FAM47E: variants seen among roughly 807,000 people sequenced by gnomAD.
FAM47E encodes the protein family with sequence similarity 47 member E, also known as protein FAM47E.
Under a neutral mutation model 41.6 loss-of-function variants are expected in FAM47E, and 32 were observed. The observed-to-expected ratio is 0.77, with a 90% CI of 0.58 to 1.03. The LOEUF (loss-of-function observed/expected upper bound fraction) is 1.03, where lower values mean the gene tolerates loss of function less well. Ranked by LOEUF, FAM47E falls within the 50% of genes least tolerant of loss-of-function variation. The probability of loss-of-function intolerance (pLI) is 0.00; values close to 1 mark genes in which losing one functional copy is unlikely to be tolerated. For missense variants in FAM47E, 424 were observed against 485.4 expected, an observed-to-expected ratio of 0.87 and a Z score of 1.19; for synonymous variants, 184 against 188.7, an observed-to-expected ratio of 0.98 and a Z score of 0.20.
At chr4:76,243,185 A>G (rs1733747181) in intron 2 of FAM47E, among the ~76,000 whole-genome samples, 1 of 152,222 alleles carries the variant, frequency 6.6e-6, no homozygotes, top group Non-Finnish European at 1.5e-5. Flanking sequence ...TCCATTCTCC[A>G]GAACTGTTTC....
At chr4:76,239,913 A>G (rs574009467) in intron 2 of FAM47E, among the ~76,000 whole-genome samples, 1 of 152,280 alleles carries the variant, frequency 6.6e-6, no homozygotes, top group Admixed American at 6.5e-5. Flanking sequence ...TGTAAATGGT[A>G]TCAGGTAAGG....
upstream of FAM47E, among the ~76,000 whole-genome samples, chr4:76,250,809 A>G (rs928651087): frequency 2.6e-5 from 4 of 152,308 alleles, no homozygotes; most frequent in Admixed American, 6.5e-5. Flanking sequence ...AGTAGTCAGG[A>G]CAAATATTAC....
chr4:76,246,731 T>C (rs576148944), upstream of FAM47E, among the ~76,000 whole-genome samples: 11 of 152,254 alleles, frequency 7.2e-5, no homozygotes, highest in East Asian at 2.1e-3. Flanking sequence ...ACATTTATCA[T>C]TATAAATTAA....
At chr4:76,230,507 C>T (rs79211851) in intron 2 of FAM47E, among the ~76,000 whole-genome samples, 5,871 of 152,268 alleles carry the variant, frequency 0.039, 331 homozygotes, top group African/African-American at 0.12. Flanking sequence ...CACGATGGGC[C>T]ATGGCTCCTG....
chr4:76,259,510 A>G (rs1172177756), intron 2 of FAM47E, among the ~76,000 whole-genome samples: 3 of 152,186 alleles, frequency 2.0e-5, no homozygotes, highest in Non-Finnish European at 4.4e-5. Flanking sequence ...AAACTTATCT[A>G]CTTCTTTATA....
upstream of FAM47E, among the ~76,000 whole-genome samples, chr4:76,250,824 C>T (rs1238911705): frequency 6.6e-6 from 1 of 152,122 alleles, no homozygotes; most frequent in African/African-American, 2.4e-5. Context: ...TATTACCACC[C>T]CCGGTTCACA....
At chr4:76,240,441 T>C (rs1021872679) in intron 2 of FAM47E, among the ~76,000 whole-genome samples, 2 of 152,312 alleles carry the variant, frequency 1.3e-5, no homozygotes, top group Admixed American at 6.5e-5. Context: ...TTTCATTAAA[T>C]TTGGCAAGTT....
intron 2 of FAM47E, among the ~76,000 whole-genome samples, chr4:76,218,152 T>G (rs913862096): frequency 6.6e-6 from 1 of 152,238 alleles, no homozygotes. Context: ...AGGCCTTGCC[T>G]ACTTTGGGAC....
intron 2 of FAM47E, among the ~76,000 whole-genome samples, chr4:76,236,897 CTTT>C (rs770275863): frequency 5.9e-5 from 8 of 136,326 alleles, no homozygotes; most frequent in Non-Finnish European, 3.2e-5. Flanking sequence ...TCTTTTCTTT[CTTT>C]TTTTTTTTTT....
chr4:76,240,026 G>T (rs1560734382), intron 2 of FAM47E, among the ~76,000 whole-genome samples: 1 of 152,024 alleles, frequency 6.6e-6, no homozygotes, highest in Non-Finnish European at 1.5e-5. Flanking sequence ...TGCTAAGAGG[G>T]TTTTTTTCTG....
upstream of FAM47E, among the ~76,000 whole-genome samples, chr4:76,249,751 C>CT (rs1733912252): frequency 6.6e-6 from 1 of 151,970 alleles, no homozygotes. Context: ...CCTTTGCATC[C>CT]CCATAGCTTA....
chr4:76,231,436 T>G (rs547433661), intron 2 of FAM47E, among the ~76,000 whole-genome samples: 1 of 152,318 alleles, frequency 6.6e-6, no homozygotes, highest in African/African-American at 2.4e-5. Context: ...AGGTAAAAAC[T>G]TAAAAACAAC....
intron 2 of FAM47E, chr4:76,236,337 T>A (rs1423517935): frequency 6.6e-6 from 1 of 152,240 alleles, no homozygotes; most frequent in East Asian, 1.9e-4. Flanking sequence ...TTTTTCATAT[T>A]GTATTTATTT....
At chr4:76,246,146 C>T (rs1404550306) in intron 2 of FAM47E, among the ~76,000 whole-genome samples, 1 of 152,150 alleles carries the variant, frequency 6.6e-6, no homozygotes, top group African/African-American at 2.4e-5. Flanking sequence ...AGGTTTAGGA[C>T]TATAATGGTT....
chr4:76,234,508 T>G (rs1447807153), intron 2 of FAM47E: 1 of 152,182 alleles, frequency 6.6e-6, no homozygotes, highest in Non-Finnish European at 1.5e-5. Context: ...GAATGCTTCC[T>G]GCTTTACGGT....
chr4:76,263,843 C>G lies in FAM47E; in HGVS notation c.560C>G (p.Pro187Arg). 4 of 1,551,018 alleles carry G rather than the reference C, an allele frequency of 2.6e-6. No individual in the cohort carries two copies. The highest frequency in any genetic ancestry group is 2.4e-5 in the South Asian group (2 of 84,016). The part of the protein sequence containing the change: ...KKHSTQVYLG[P>R]SKKTSVSNAG... ...CATTCTACCCAAGTCTACCTGGGAC[C>G]GTGAGTATTGTTCTTAACCCTTCGA... Residue 187 changes from proline (P) to arginine (R), a missense_variant and splice_region_variant, in exon 3 of 8, where the codon CCT becomes CGT. Coordinates refer to ENST00000424749, the MANE Select transcript of FAM47E (RefSeq NM_001136570.3).
At chr4:76,273,709 T>G (rs891489500) in intron 5 of FAM47E, among the ~76,000 whole-genome samples, 15 of 152,104 alleles carry the variant, frequency 9.9e-5, no homozygotes, top group African/African-American at 3.6e-4. Context: ...TCAAACTTTT[T>G]TTTTGTTGTT....
intron 1 of FAM47E, chr4:76,217,561 C>G: frequency 2.0e-6 from 1 of 508,466 alleles, no homozygotes; most frequent in Non-Finnish European, 3.6e-6. Context: ...CAGGTGTGCT[C>G]CCTTTCTGCC....
intron 2 of FAM47E, among the ~76,000 whole-genome samples, chr4:76,232,317 T>C (rs1216156457): frequency 1.3e-5 from 2 of 152,240 alleles, no homozygotes; most frequent in Non-Finnish European, 2.9e-5. Flanking sequence ...TCATGAGTCC[T>C]GTACATTTTC....
Sources: allele counts gnomAD v4.1 joint callset (sites outside exome capture counted in the v4.1 genomes callset), GRCh38; gene constraint gnomAD v4.1.1; transcripts MANE v1.5; gene names NCBI Gene and HGNC (gene_info 2026-07-23, HGNC 2026-07-21).